Variants in TMPRSS7 observed in about 807,000 individuals in gnomAD.
TMPRSS7 encodes transmembrane protease serine 7.
Under a neutral mutation model 95.6 loss-of-function variants are expected in TMPRSS7, and 81 were observed. The observed-to-expected ratio is 0.85, with a 90% CI of 0.71 to 1.02. The LOEUF is 1.02. TMPRSS7 is among the 50% of genes least tolerant of loss of function. TMPRSS7 has a pLI of 0.00. For missense variants in TMPRSS7, 945 were observed against 955.2 expected (o/e 0.99, Z 0.14); for synonymous variants, 364 against 337.8 (o/e 1.08, Z -0.85).
chr3:112,044,541 G>A (rs1007207021), intron 4 of TMPRSS7, among the ~76,000 whole-genome samples: 4 of 152,076 alleles, frequency 2.6e-5, no homozygotes, highest in Non-Finnish European at 4.4e-5. Context: ...CCCATAGCTA[G>A]AATCCTGAAC....
At chr3:112,060,450 AC>A (rs1170563253) in intron 10 of TMPRSS7, among the ~76,000 whole-genome samples, 3 of 152,058 alleles carry the variant, frequency 2.0e-5, no homozygotes, top group Non-Finnish European at 4.4e-5. Flanking sequence ...AGATGACCAC[AC>A]CCAAGGGGGC....
At chr3:112,077,115 T>G in exon 16 of TMPRSS7, 1 of 1,614,020 alleles carries the variant, frequency 6.2e-7, no homozygotes, top group Non-Finnish European at 8.5e-7. Context: ...AAGTGCTGGG[T>G]AACTGGCTGG....
intron 3 of TMPRSS7, chr3:112,042,883 A>G: frequency 2.5e-6 from 1 of 393,576 alleles, no homozygotes; most frequent in Admixed American, 2.8e-5. Context: ...CTTGGCACAT[A>G]TTACCAACTA....
intron 2 of TMPRSS7, among the ~76,000 whole-genome samples, chr3:112,041,022 G>T (rs574930117): frequency 6.6e-6 from 1 of 151,270 alleles, no homozygotes; most frequent in Non-Finnish European, 1.5e-5. Flanking sequence ...TGAGAAGGAT[G>T]CGTGAGCTTC....
chr3:112,044,358 C>T (rs536000420), intron 4 of TMPRSS7, 36 bp downstream of exon 4: 1 of 1,508,448 alleles, frequency 6.6e-7, no homozygotes, highest in South Asian at 1.2e-5. Context: ...TTTCTGTGTT[C>T]ATTGTTCTAA....
At chr3:112,068,139 G>A (rs1261654007) in intron 13 of TMPRSS7, among the ~76,000 whole-genome samples, 2 of 152,172 alleles carry the variant, frequency 1.3e-5, no homozygotes, top group Non-Finnish European at 2.9e-5. Flanking sequence ...GGTTGTACAT[G>A]TGTGGTGTTA....
chr3:112,061,015 CACA>C (rs1375640404), intron 10 of TMPRSS7, among the ~76,000 whole-genome samples: 2 of 152,132 alleles, frequency 1.3e-5, no homozygotes, highest in African/African-American at 4.8e-5. Flanking sequence ...CCTGACTTCC[CACA>C]ACAATTACCC....
At chr3:112,041,871 G>A in intron 2 of TMPRSS7, 49 bp from the exon 3 acceptor site, 1 of 1,254,288 alleles carries the variant, frequency 8.0e-7, no homozygotes, top group Non-Finnish European at 1.1e-6. Context: ...ATTCCTTACT[G>A]CCACACAGAT....
At chr3:112,063,707 T>C (rs527588862) in intron 12 of TMPRSS7, 75 bp downstream of exon 12, 3 of 1,214,728 alleles carry the variant, frequency 2.5e-6, no homozygotes, top group South Asian at 2.5e-5. Flanking sequence ...TGCTGATATA[T>C]ATCCTTAGTA....
chr3:112,063,697 T>C, intron 12 of TMPRSS7, 65 bp downstream of exon 12: 2 of 1,283,434 alleles, frequency 1.6e-6, no homozygotes, highest in South Asian at 1.2e-5. Context: ...CCATGATTGC[T>C]GCTGATATAT....
At chr3:112,077,081 G>A in exon 16 of TMPRSS7, 2 of 1,614,198 alleles carry the variant, frequency 1.2e-6, no homozygotes, top group Non-Finnish European at 1.7e-6. Flanking sequence ...TCCTCCCACT[G>A]GTCAGAGAGT....
chr3:112,045,641 C>A, intron 4 of TMPRSS7, 109 bp from the exon 5 acceptor site: 1 of 1,055,816 alleles, frequency 9.5e-7, no homozygotes, highest in Non-Finnish European at 1.4e-6. Flanking sequence ...AGGGAGCTAG[C>A]TTCAGTTGAA....
Position 112,042,107 on chromosome 3 carries a change from GA to G in TMPRSS7, c.429+58del. The G allele has an allele frequency of 2.8e-6, 4 of 1,424,842 alleles. No homozygotes were observed. In the South Asian group the frequency reaches 4.9e-5, roughly 18 times the overall value. The allele number at this position is 1,424,842 out of a possible 1,614,324, so 88.3% of individuals were successfully genotyped here. ...AGAGTGGGTTTGCGGGGAGGTGGGG[GA>G]TGAAGCTGGAGGGGAACACAAGTGT... On this transcript the variant is annotated intron_variant, in intron 3 of 17. Coordinates refer to ENST00000452346, the Ensembl canonical transcript of TMPRSS7.
chr3:112,050,542 A>AAAGTTT, intron 8 of TMPRSS7, 129 bp from the exon 9 acceptor site: 2 of 407,358 alleles, frequency 4.9e-6, no homozygotes, highest in Non-Finnish European at 4.5e-6. Flanking sequence ...AAAAAAACCC[A>AAAGTTT]AAGTTTAAGA....
chr3:112,041,872 C>T, intron 2 of TMPRSS7, 48 bp from the exon 3 acceptor site: 1 of 1,256,138 alleles, frequency 8.0e-7, no homozygotes. Flanking sequence ...TTCCTTACTG[C>T]CACACAGATG....
chr3:112,066,470 A>C, exon 13 of TMPRSS7: 1 of 1,613,972 alleles, frequency 6.2e-7, no homozygotes, highest in Non-Finnish European at 8.5e-7. Flanking sequence ...AGGGACTGTG[A>C]GAATGGCCGG....
chr3:112,048,333 AAACAATT>A (rs2073305119), intron 7 of TMPRSS7, among the ~76,000 whole-genome samples: 1 of 152,232 alleles, frequency 6.6e-6, no homozygotes, highest in Non-Finnish European at 1.5e-5. Context: ...TCACATTAGT[AAACAATT>A]AAATTTTTTT....
chr3:112,050,895 C>T (rs1325907495), intron 9 of TMPRSS7, 112 bp downstream of exon 9: 3 of 561,580 alleles, frequency 5.3e-6, no homozygotes. Context: ...TATAAAATTT[C>T]AGTATTATTG....
At chr3:112,061,968 G>A (rs776673366) in intron 11 of TMPRSS7, 45 bp downstream of exon 11, 3 of 1,486,342 alleles carry the variant, frequency 2.0e-6, no homozygotes, top group South Asian at 2.9e-5. Flanking sequence ...TACTTACATA[G>A]AGGATAACAT....
Sources: allele counts gnomAD v4.1 joint callset (sites outside exome capture counted in the v4.1 genomes callset), GRCh38; gene constraint gnomAD v4.1.1; transcripts MANE v1.5; gene names NCBI Gene and HGNC (gene_info 2026-07-23, HGNC 2026-07-21).